The following SSH2 variants were observed in gnomAD, a reference collection of about 807,000 sequenced individuals.
SSH2 encodes protein phosphatase Slingshot homolog 2.
In SSH2, 37 loss-of-function variants were observed where a neutral mutation model predicts 135.2. The ratio of observed to expected loss-of-function variants is 0.27; its 90% confidence interval spans 0.21 to 0.36. SSH2 has a LOEUF of 0.36. Among genes scored for constraint, SSH2 ranks in the 10% least tolerant of loss-of-function variants. SSH2 has a pLI of 1.00. For synonymous variants in SSH2, 628 were observed against 646.2 expected (o/e 0.97, Z 0.43); for missense variants, 1,408 against 1,765.3 (o/e 0.80, Z 3.63).
intron 4 of SSH2, among the ~76,000 whole-genome samples, chr17:29,699,717 C>A (rs995397821): frequency 1.3e-5 from 2 of 152,136 alleles, no homozygotes; most frequent in African/African-American, 4.8e-5. Context: ...GTCAGACAAA[C>A]TGGATTTAAA....
intron 3 of SSH2, among the ~76,000 whole-genome samples, chr17:29,750,676 CTG>C (rs2040906574): frequency 6.6e-6 from 1 of 151,268 alleles, no homozygotes; most frequent in Admixed American, 6.6e-5. Flanking sequence ...GCACAAGCTA[CTG>C]TGCATGGCTA....
chr17:29,762,241 G>A (rs1231065954), intron 3 of SSH2, among the ~76,000 whole-genome samples: 1 of 151,880 alleles, frequency 6.6e-6, no homozygotes, highest in Non-Finnish European at 1.5e-5. Context: ...AATTTAGATT[G>A]TCGATAACAT....
chr17:29,817,687 G>A (rs1048304088), intron 2 of SSH2, among the ~76,000 whole-genome samples: 2 of 152,164 alleles, frequency 1.3e-5, no homozygotes, highest in African/African-American at 2.4e-5. Flanking sequence ...CAAAGTGAGT[G>A]GATGCTCAAG....
At chr17:29,802,643 A>AG (rs1297876555) in intron 2 of SSH2, among the ~76,000 whole-genome samples, 3 of 151,426 alleles carry the variant, frequency 2.0e-5, no homozygotes, top group Non-Finnish European at 4.4e-5. Context: ...AAAAAAGAAA[A>AG]GAAAAAAAAA....
rs548562169 is a variant in SSH2 at position 29,647,984 on chromosome 17, C to T, written c.1427+160G>A. 9.6e-6 allele frequency: 7 copies of T among 730,006 alleles called. No homozygotes were observed. The African/African-American group carries it at 1.1e-4, about 11-fold the overall frequency. 45.2% of individuals were successfully genotyped at this position (730,006 alleles called of 1,614,324 possible). A position where few individuals can be genotyped will look rare whatever the true frequency, so the allele number is the denominator to read the frequency against. ...GGCCAGCCCATGCAAATCTTAAATG[C>T]TTACACTTATGTTTTGAAAACTGGA... On this transcript the variant is annotated intron_variant, in intron 14 of 15. Transcript: ENST00000540801.
intron 4 of SSH2, among the ~76,000 whole-genome samples, chr17:29,698,788 C>T (rs186004242): frequency 6.6e-6 from 1 of 152,296 alleles, no homozygotes; most frequent in Non-Finnish European, 1.5e-5. Context: ...CAGACCACTG[C>T]ACCAGGGCTG....
At chr17:29,916,128 A>T (rs1788044600) in intron 1 of SSH2, among the ~76,000 whole-genome samples, 1 of 152,154 alleles carries the variant, frequency 6.6e-6, no homozygotes, top group Non-Finnish European at 1.5e-5. Flanking sequence ...CATAAAAAAA[A>T]TAACTTCCCC....
At chr17:29,701,184 G>C (rs1413127614) in intron 4 of SSH2, among the ~76,000 whole-genome samples, 2 of 152,010 alleles carry the variant, frequency 1.3e-5, no homozygotes, top group African/African-American at 4.8e-5. Context: ...TGTTAGCCAG[G>C]ATGGTCTCGA....
intron 11 of SSH2, among the ~76,000 whole-genome samples, chr17:29,660,533 G>T (rs1031735556): frequency 6.6e-6 from 1 of 151,926 alleles, no homozygotes; most frequent in Non-Finnish European, 1.5e-5. Flanking sequence ...CCAAAGTGTT[G>T]GGATTACAGG....
intron 3 of SSH2, among the ~76,000 whole-genome samples, chr17:29,706,698 A>C (rs2039212850): frequency 6.6e-6 from 1 of 152,250 alleles, no homozygotes; most frequent in South Asian, 2.1e-4. Context: ...CCTATTCACC[A>C]GGCAAAGTAA....
intron 1 of SSH2, chr17:29,856,095 C>A: frequency 6.1e-6 from 2 of 327,020 alleles, no homozygotes; most frequent in South Asian, 2.6e-5. Context: ...TGATAAAATC[C>A]AAAATTTCTT....
intron 1 of SSH2, among the ~76,000 whole-genome samples, chr17:29,892,320 C>T (rs1019357278): frequency 1.3e-5 from 2 of 151,826 alleles, no homozygotes; most frequent in African/African-American, 4.8e-5. Flanking sequence ...AGAAAAGATG[C>T]CCCAAAGTTT....
intron 6 of SSH2, among the ~76,000 whole-genome samples, chr17:29,680,198 A>T (rs2037912413): frequency 6.6e-6 from 1 of 152,112 alleles, no homozygotes; most frequent in Non-Finnish European, 1.5e-5. Context: ...TAGTCACTGC[A>T]GGGTTAAAGG....
chr17:29,677,650 G>A (rs762301936), intron 7 of SSH2, 23 bp downstream of exon 7: 1 of 1,608,468 alleles, frequency 6.2e-7, no homozygotes, highest in Non-Finnish European at 8.5e-7. Flanking sequence ...TTCTGTAACA[G>A]AATAAAAAAG....
intron 1 of SSH2, among the ~76,000 whole-genome samples, chr17:29,908,850 G>A (rs558483563): frequency 1.5e-3 from 231 of 151,666 alleles, no homozygotes; most frequent in African/African-American, 5.1e-3. Context: ...AGGCCAAGGC[G>A]GGTGGGTCAT....
intron 12 of SSH2, among the ~76,000 whole-genome samples, chr17:29,651,661 A>G (rs1438192728): frequency 1.3e-5 from 2 of 152,220 alleles, no homozygotes; most frequent in African/African-American, 4.8e-5. Context: ...CCTTCTCAGC[A>G]CAAATGTGAA....
At chr17:29,840,828 A>G (rs748607553) in intron 2 of SSH2, among the ~76,000 whole-genome samples, 1 of 152,170 alleles carries the variant, frequency 6.6e-6, no homozygotes, top group Non-Finnish European at 1.5e-5. Flanking sequence ...ACTCCATGGG[A>G]TAGGTACTAT....
Position 29,632,034 on chromosome 17 carries a change from C to G in SSH2, c.3160G>C (p.Gly1054Arg). ...TTCTCACTGGTGGCTATTTCACTCCCTGGCCCAGTGTGATTGGGTGATGTA... is the reference window on the plus strand; with the variant it reads ...TTCTCACTGGTGGCTATTTCACTCCGTGGCCCAGTGTGATTGGGTGATGTA... Reference protein sequence around the residue: ...IVTSPNHTGPGSEIATSEKSG... With the variant: ...IVTSPNHTGPRSEIATSEKSG... Residue 1054 changes from glycine (G) to arginine (R), a missense_variant, in exon 16 of 16, where the codon GGG becomes CGG. Around this residue, in one of 3 missense-constraint regions of SSH2, gnomAD observed 1,080 missense variants for 1,144.5 expected, o/e 0.94. Transcript: ENST00000540801. 5 of 1,614,236 alleles carry G rather than the reference C, an allele frequency of 3.1e-6. No homozygotes were observed. Among genetic ancestry groups the G allele is most frequent in the Non-Finnish European group, 4.2e-6 (5 of 1,180,034 alleles).
intron 3 of SSH2, among the ~76,000 whole-genome samples, chr17:29,714,870 CTTTTTTTG>C (rs1488843818): frequency 5.9e-5 from 9 of 151,798 alleles, no homozygotes; most frequent in African/African-American, 1.7e-4. Flanking sequence ...TTCTTTTTTT[CTTTTTTTG>C]TTTTTTGGGA....
Sources: gnomAD v4.1 joint callset for allele counts (sites outside exome capture counted in the v4.1 genomes callset) on GRCh38, gnomAD v4.1.1 for gene constraint, gnomAD v4.1.1 regional missense constraint, MANE v1.5 for transcripts, NCBI Gene and HGNC (gene_info 2026-07-23, HGNC 2026-07-21) for gene names.